Variants in CNTN5 observed in about 807,000 individuals in gnomAD.
CNTN5 encodes the protein contactin-5.
Under a neutral mutation model 129.1 loss-of-function variants are expected in CNTN5, and 77 were observed. The ratio of observed to expected loss-of-function variants is 0.60; its 90% CI spans 0.50 to 0.72. The LOEUF is 0.72. Among genes scored for constraint, CNTN5 ranks in the 30% least tolerant of loss-of-function variants. The pLI is 0.00. For synonymous variants in CNTN5, 509 were observed against 465.6 expected (o/e 1.09, Z -1.20); for missense variants, 1,478 against 1,328.8 (o/e 1.11, Z -1.75).
At chr11:99,359,586 A>T (rs1236004922) in intron 2 of CNTN5, among the ~76,000 whole-genome samples, 2 of 149,554 alleles carry the variant, frequency 1.3e-5, no homozygotes, top group East Asian at 3.9e-4. Flanking sequence ...ACCTTATTAT[A>T]TATGAAAAAA....
intron 3 of CNTN5, among the ~76,000 whole-genome samples, chr11:99,623,515 T>C (rs1160297992): frequency 6.6e-6 from 1 of 152,102 alleles, no homozygotes; most frequent in East Asian, 1.9e-4. Context: ...AGAAAATTGC[T>C]GATTACATTA....
At chr11:99,575,071 T>C (rs535147783) in intron 3 of CNTN5, among the ~76,000 whole-genome samples, 30 of 152,338 alleles carry the variant, frequency 2.0e-4, no homozygotes, top group African/African-American at 7.2e-4. Flanking sequence ...GCTACATTAT[T>C]TGAATCTTCT....
At chr11:99,606,041 C>G (rs201151310) in intron 3 of CNTN5, among the ~76,000 whole-genome samples, 926 of 62,434 alleles carry the variant, frequency 0.015, 2 homozygotes, top group South Asian at 0.034. Context: ...TAGCACAAGA[C>G]AGGGATGCCC....
intron 1 of CNTN5, among the ~76,000 whole-genome samples, chr11:99,214,116 C>A (rs888813839): frequency 9.2e-5 from 14 of 151,868 alleles, no homozygotes; most frequent in Admixed American, 2.0e-4. Context: ...TAGGAGCACA[C>A]CTGAAAGTGA....
At chr11:100,268,463 C>T (rs948332088) in intron 17 of CNTN5, among the ~76,000 whole-genome samples, 1 of 151,936 alleles carries the variant, frequency 6.6e-6, no homozygotes, top group Non-Finnish European at 1.5e-5. Flanking sequence ...AAAAGGAAAA[C>T]CAAAATAATG....
At chr11:99,620,137 G>A (rs683601) in intron 3 of CNTN5, among the ~76,000 whole-genome samples, 34,919 of 151,640 alleles carry the variant, frequency 0.23, 4,417 homozygotes, top group Middle Eastern at 0.34. Context: ...AGTGCTTAAA[G>A]TAAATCTGCA....
intron 3 of CNTN5, among the ~76,000 whole-genome samples, chr11:99,627,392 A>T (rs1362042227): frequency 6.6e-6 from 1 of 152,176 alleles, no homozygotes; most frequent in Non-Finnish European, 1.5e-5. Context: ...CCATAGTTGA[A>T]GGTTTATCTG....
At chr11:100,227,781 G>A (rs1251207484) in intron 16 of CNTN5, among the ~76,000 whole-genome samples, 1 of 152,150 alleles carries the variant, frequency 6.6e-6, no homozygotes, top group African/African-American at 2.4e-5. Context: ...AATAGAGAAA[G>A]CATGACTAAA....
At chr11:99,404,120 G>C (rs34164840) in intron 2 of CNTN5, among the ~76,000 whole-genome samples, 113,117 of 151,768 alleles carry the variant, frequency 0.75, 42,999 homozygotes, top group African/African-American at 0.9. Flanking sequence ...CCTTCTTAGT[G>C]TCTTCTTATA....
chr11:99,306,761 A>G (rs201549155), intron 1 of CNTN5, among the ~76,000 whole-genome samples: 22,528 of 148,770 alleles, frequency 0.15, 1,970 homozygotes, highest in South Asian at 0.26. Flanking sequence ...TAATAATAAT[A>G]ATAATAATAA....
intron 7 of CNTN5, among the ~76,000 whole-genome samples, chr11:99,921,440 C>T (rs1949936609): frequency 6.6e-6 from 1 of 152,160 alleles, no homozygotes; most frequent in African/African-American, 2.4e-5. Flanking sequence ...TCCCTCACAT[C>T]CATATCTTTC....
intron 7 of CNTN5, among the ~76,000 whole-genome samples, chr11:99,943,693 CTTGAG>C (rs1360510093): frequency 6.6e-6 from 1 of 152,042 alleles, no homozygotes; most frequent in African/African-American, 2.4e-5. Flanking sequence ...TTTAATCCAT[CTTGAG>C]TTAATTTATG....
At chr11:99,900,167 A>C (rs1591386761) in intron 6 of CNTN5, among the ~76,000 whole-genome samples, 1 of 144,284 alleles carries the variant, frequency 6.9e-6, no homozygotes, top group African/African-American at 2.5e-5. Context: ...CCAAACTTTT[A>C]CTTCATTAAT....
chr11:99,741,130 G>T (rs1475718088), intron 3 of CNTN5, among the ~76,000 whole-genome samples: 1 of 152,090 alleles, frequency 6.6e-6, no homozygotes, highest in Non-Finnish European at 1.5e-5. Flanking sequence ...GTCTGAATCA[G>T]CAAGGCAGGT....
intron 8 of CNTN5, among the ~76,000 whole-genome samples, chr11:99,980,892 A>G (rs868539370): frequency 4.0e-5 from 6 of 151,836 alleles, no homozygotes; most frequent in Middle Eastern, 3.2e-3. Flanking sequence ...CATTTTATCA[A>G]TGTCAAAGAG....
intron 1 of CNTN5, among the ~76,000 whole-genome samples, chr11:99,250,935 A>G (rs1210777601): frequency 1.3e-5 from 2 of 151,928 alleles, no homozygotes; most frequent in Non-Finnish European, 2.9e-5. Flanking sequence ...ATTTGTTCAT[A>G]TGGTTATTTT....
chr11:100,185,825 G>A (rs1948286198), intron 13 of CNTN5, among the ~76,000 whole-genome samples: 1 of 152,166 alleles, frequency 6.6e-6, no homozygotes, highest in South Asian at 2.1e-4. Context: ...GCAGCAATCT[G>A]CAAGCCAGGA....
At chr11:99,314,202 G>A (rs1865238657) in intron 1 of CNTN5, among the ~76,000 whole-genome samples, 1 of 152,044 alleles carries the variant, frequency 6.6e-6, no homozygotes, top group Non-Finnish European at 1.5e-5. Context: ...ATTATGCCAT[G>A]TAAATTTGCT....
chr11:100,263,953 C>T lies in CNTN5; in HGVS notation c.2165-7139C>T, dbSNP rs571999085. On this transcript the variant is annotated intron_variant, in intron 17 of 24. Transcript: ENST00000524871. ...TACTCATCCTATGCCCATAGCAATC[C>T]AGTACCTATCTTCTACCTGCTACAT... is the stretch of plus-strand genomic sequence containing the variant. 1.1e-4 allele frequency among the ~76,000 whole-genome samples: 17 copies of T among 152,266 alleles called. No homozygotes were observed. The South Asian group carries it at 3.5e-3, about 32-fold the overall frequency.
Sources: allele counts gnomAD v4.1 joint callset (sites outside exome capture counted in the v4.1 genomes callset), GRCh38; gene constraint gnomAD v4.1.1; transcripts MANE v1.5; gene names NCBI Gene and HGNC (gene_info 2026-07-23, HGNC 2026-07-21).